Variants in USP48 observed in about 807,000 individuals in gnomAD.
USP48 encodes the protein ubiquitin specific peptidase 48.
A neutral mutation model predicts 150.7 loss-of-function variants in USP48; 43 were observed. The observed-to-expected ratio is 0.29, with a 90% confidence interval of 0.22 to 0.37. USP48 has a LOEUF of 0.37. Ranked by LOEUF, USP48 falls within the 10% of genes least tolerant of loss-of-function variation. The pLI is 1.00. For missense variants in USP48, 813 were observed against 1,249.6 expected (o/e 0.65, Z 5.27); for synonymous variants, 396 against 425.9 (o/e 0.93, Z 0.86).
chr1:21,727,922 G>A, intron 11 of USP48: 1 of 984,240 alleles, frequency 1.0e-6, no homozygotes, highest in Non-Finnish European at 1.2e-6. Flanking sequence ...ATTAGGCTTG[G>A]GGAATTCATG....
intron 3 of USP48, among the ~76,000 whole-genome samples, chr1:21,755,251 G>A (rs1433722268): frequency 6.6e-6 from 1 of 151,980 alleles, no homozygotes; most frequent in Admixed American, 6.6e-5. Context: ...GCCTGCAAAA[G>A]CATTGCAGGC....
chr1:21,696,620 C>A (rs2097632525), intron 22 of USP48, among the ~76,000 whole-genome samples: 1 of 152,054 alleles, frequency 6.6e-6, no homozygotes, highest in Non-Finnish European at 1.5e-5. Flanking sequence ...CGTTAGTTTT[C>A]TTATTTATGA....
At chr1:21,742,054 C>T (rs1020580796) in intron 8 of USP48, among the ~76,000 whole-genome samples, 5 of 152,124 alleles carry the variant, frequency 3.3e-5, no homozygotes, top group African/African-American at 1.2e-4. Flanking sequence ...GTTAAGAATA[C>T]ATGTTATAAT....
At chr1:21,688,599 T>C (rs2097585941) in intron 24 of USP48, among the ~76,000 whole-genome samples, 1 of 150,926 alleles carries the variant, frequency 6.6e-6, no homozygotes, top group Non-Finnish European at 1.5e-5. Context: ...TCCCAGCACT[T>C]TGGGAGGTGA....
At chr1:21,776,592 C>CAAAAAAAAA (rs59309344) in intron 1 of USP48, among the ~76,000 whole-genome samples, 13 of 58,014 alleles carry the variant, frequency 2.2e-4, no homozygotes, top group Non-Finnish European at 3.5e-4. Context: ...TGTCTTGTCT[C>CAAAAAAAAA]AAAAAAAAAA....
intron 3 of USP48, among the ~76,000 whole-genome samples, chr1:21,753,823 TAAAAAAAA>T (rs11308463): frequency 1.2e-5 from 1 of 86,638 alleles, no homozygotes; most frequent in Non-Finnish European, 2.2e-5. Flanking sequence ...CGAGACTCTT[TAAAAAAAA>T]AAAAAAAAAA....
At chr1:21,759,352 A>G (rs1051863562) in intron 1 of USP48, among the ~76,000 whole-genome samples, 4 of 152,168 alleles carry the variant, frequency 2.6e-5, no homozygotes, top group African/African-American at 9.7e-5. Context: ...AACAGTTATC[A>G]AGCTCATTTA....
At chr1:21,722,271 T>C (rs965798036) in intron 12 of USP48, among the ~76,000 whole-genome samples, 3 of 151,948 alleles carry the variant, frequency 2.0e-5, no homozygotes, top group East Asian at 3.9e-4. Context: ...GTGGCAGGTA[T>C]AGTGGCTCAT....
intron 25 of USP48, among the ~76,000 whole-genome samples, chr1:21,684,776 C>T (rs2097576214): frequency 6.6e-6 from 1 of 152,160 alleles, no homozygotes; most frequent in South Asian, 2.1e-4. Flanking sequence ...ATCCAGTTTT[C>T]CCAGCAAAAT....
At chr1:21,716,586 C>G (rs74462931) in intron 14 of USP48, among the ~76,000 whole-genome samples, 11,438 of 152,242 alleles carry the variant, frequency 0.075, 621 homozygotes, top group East Asian at 0.26. Flanking sequence ...AAGGGTGGAC[C>G]ACTATATAAT....
At chr1:21,683,502 A>G (rs1025288395) in intron 25 of USP48, among the ~76,000 whole-genome samples, 2 of 152,004 alleles carry the variant, frequency 1.3e-5, no homozygotes, top group African/African-American at 4.8e-5. Flanking sequence ...CACCCACCTC[A>G]GCCTCCCAAG....
In USP48 at chr1:21,680,839, A is replaced by G. The variant is rs2097563706; in HGVS notation, c.3059-5T>C. 1 of 1,584,714 alleles carries G rather than the reference A, an allele frequency of 6.3e-7. No individual in the cohort carries two copies. The highest frequency in any genetic ancestry group is 8.6e-7 in the Non-Finnish European group (1 of 1,168,214). On this transcript the variant is annotated splice_region_variant and splice_polypyrimidine_tract_variant and intron_variant, in intron 25 of 26. Transcript: ENST00000308271. ...ACCCTTCTTCTGGCATACAAACTGAAAAAAAGAAAAAAAGAAGAATTCCAA... is the reference window on the plus strand; with the variant it reads ...ACCCTTCTTCTGGCATACAAACTGAGAAAAAGAAAAAAAGAAGAATTCCAA...
chr1:21,768,175 C>G (rs1252362841), intron 1 of USP48: 1 of 151,280 alleles, frequency 6.6e-6, no homozygotes, highest in East Asian at 1.9e-4. Flanking sequence ...CCACTGCACT[C>G]TAGCCTGGGC....
At chr1:21,701,340 C>A (rs2097655917) in intron 22 of USP48, among the ~76,000 whole-genome samples, 158 bp downstream of exon 22, 2 of 128,684 alleles carry the variant, frequency 1.6e-5, no homozygotes, top group South Asian at 4.8e-4. Context: ...CACTCCAGCA[C>A]AGGCAACAGT....
rs139582151 is a variant in USP48, at chr1:21,709,848, C to G, written c.1964-2980G>C. Among the ~76,000 whole-genome samples, 79 of 152,246 alleles carry G rather than the reference C, an allele frequency of 5.2e-4. 1 individual carries two copies. In the East Asian group the frequency reaches 0.014, roughly 27 times the overall value. ...AGAATAATATTAAATAGTCATTTTA[C>G]TGTAGTCTAGTTGGTAATAAAAATA... On this transcript the variant is annotated intron_variant, in intron 15 of 26. Coordinates refer to ENST00000308271, the MANE Select transcript of USP48 (RefSeq NM_032236.8).
At chr1:21,725,753 CA>C (rs11384428) in intron 11 of USP48, among the ~76,000 whole-genome samples, 6 of 146,284 alleles carry the variant, frequency 4.1e-5, no homozygotes, top group African/African-American at 7.6e-5. Flanking sequence ...AATTCCATCT[CA>C]AAAAAAAAAA....
At chr1:21,700,553 G>C (rs545670487) in intron 22 of USP48, among the ~76,000 whole-genome samples, 7 of 152,158 alleles carry the variant, frequency 4.6e-5, no homozygotes, top group Non-Finnish European at 7.3e-5. Flanking sequence ...GATGGCTATT[G>C]TAACACTTTC....
intron 6 of USP48, among the ~76,000 whole-genome samples, chr1:21,749,962 C>T (rs935276002): frequency 6.6e-6 from 1 of 152,106 alleles, no homozygotes; most frequent in Admixed American, 6.6e-5. Context: ...TGGTGCTTAT[C>T]ACCTCTTCAG....
Position 21,728,719 on chromosome 1 carries a change from G to C in USP48, c.1301C>G (p.Ala434Gly). ...CCGATCTACCAGCTCTTGAAGAAAG[G>C]CTATTCAAAACAGAAAGACAAAAAA... ...EKPNTTVQVP[A>G]FLQELVDRDN... Residue 434 changes from alanine to glycine, a missense_variant and splice_region_variant, in exon 11 of 27, where the codon GCC becomes GGC. Physicochemically the swap from Ala to Gly is moderately conservative, Grantham distance 60 (BLOSUM62 0). Coordinates refer to ENST00000308271, the MANE Select transcript of USP48 (RefSeq NM_032236.8). 2 of 1,613,524 alleles carry C rather than the reference G, an allele frequency of 1.2e-6. No homozygotes were observed. Among genetic ancestry groups the C allele is most frequent in the Non-Finnish European group, 8.5e-7 (1 of 1,179,860 alleles).
Sources: allele counts gnomAD v4.1 joint callset (sites outside exome capture counted in the v4.1 genomes callset), GRCh38; gene constraint gnomAD v4.1.1; transcripts MANE v1.5; gene names NCBI Gene and HGNC (gene_info 2026-07-23, HGNC 2026-07-21).